The following HP1BP3 variants were observed in gnomAD, a reference collection of about 807,000 sequenced individuals.
The protein encoded by HP1BP3 is heterochromatin protein 1-binding protein 3.
Under a neutral mutation model 62.5 loss-of-function variants are expected in HP1BP3, and 12 were observed. That is an observed-to-expected ratio of 0.19 (90% CI 0.12 to 0.31). The LOEUF (loss-of-function observed/expected upper bound fraction) is 0.31. HP1BP3 is among the 10% of genes least tolerant of loss of function. HP1BP3 has a pLI of 1.00. For synonymous variants in HP1BP3, 260 were observed against 237.8 expected (o/e 1.09, Z -0.86); for missense variants, 502 against 651.8 (o/e 0.77, Z 2.50).
chr1:20,782,583 A>T (rs1480186675), intron 1 of HP1BP3, among the ~76,000 whole-genome samples: 1 of 150,656 alleles, frequency 6.6e-6, no homozygotes, highest in African/African-American at 2.4e-5. Flanking sequence ...AGCCTGCCTC[A>T]AGAAAAAAAA....
Position 20,779,895 on chromosome 1 carries a change from G to A in HP1BP3, c.113C>T (p.Thr38Ile), listed in dbSNP as rs1428347024. The A allele has an allele frequency of 1.2e-5, 20 of 1,612,474 alleles. No individual in the cohort carries two copies. The highest frequency in any genetic ancestry group is 1.6e-5 in the Non-Finnish European group (19 of 1,179,444). Residue 38 changes from threonine to isoleucine, a missense_variant, in exon 3 of 13, where the codon ACC (threonine) becomes ATC (isoleucine). Thr to Ile is a moderately conservative substitution (Grantham distance 89). Coordinates refer to ENST00000438032, the MANE Select transcript of HP1BP3 (RefSeq NM_001372052.1). ...ATTCACAGTTCGACGAATCGGCATGGTGCTATCTTCTACCTTCTAAGAAAA... is the reference window on the plus strand; with the variant it reads ...ATTCACAGTTCGACGAATCGGCATGATGCTATCTTCTACCTTCTAAGAAAA... Reference protein sequence around the residue: ...DKLGEKVEDSTMPIRRTVNST... With the variant: ...DKLGEKVEDSIMPIRRTVNST...
chr1:20,778,519 G>GT (rs1399735010), intron 3 of HP1BP3, among the ~76,000 whole-genome samples: 1 of 152,216 alleles, frequency 6.6e-6, no homozygotes, highest in Non-Finnish European at 1.5e-5. Context: ...TCAGCTGGCT[G>GT]TTAAACATGG....
chr1:20,763,243 T>C (rs571818152), intron 8 of HP1BP3, among the ~76,000 whole-genome samples: 1 of 152,344 alleles, frequency 6.6e-6, no homozygotes, highest in South Asian at 2.1e-4. Flanking sequence ...CTTTATTCTT[T>C]GTTAAAGAAT....
chr1:20,765,395 T>A lies in HP1BP3; in HGVS notation c.872A>T (p.Lys291Met), dbSNP rs1189558306. 1.9e-6 allele frequency: 3 copies of A among 1,609,740 alleles called. No homozygotes were observed. Among genetic ancestry groups the A allele is most frequent in the African/African-American group, 1.3e-5 (1 of 74,736 alleles). The change falls in exon 8 of 13, where the codon AAG (lysine) becomes ATG (methionine). Residue 291 changes from lysine to methionine, a missense_variant. Lys to Met is a moderately conservative substitution (Grantham distance 95, BLOSUM62 -1). Around this residue, in one of 5 missense-constraint regions of HP1BP3, gnomAD observed 111 missense variants for 242.0 expected, o/e 0.46. Coordinates refer to ENST00000438032, the MANE Select transcript of HP1BP3 (RefSeq NM_001372052.1). ...IRKYVSQYYP[K>M]LRVDIRPQLL... ...CTCATACCTGATGTCCACTCTAAGC[T>A]TAGGATAATACTGAGACACATATTT...
chr1:20,748,935 G>C, intron 10 of HP1BP3, among the ~76,000 whole-genome samples: 1 of 152,188 alleles, frequency 6.6e-6, no homozygotes, highest in East Asian at 1.9e-4. Context: ...TGATAAGGCA[G>C]GGTGTCTCAT....
At chr1:20,767,789 A>T in intron 6 of HP1BP3, 125 bp from the exon 7 acceptor site, 2 of 627,874 alleles carry the variant, frequency 3.2e-6, no homozygotes. Context: ...AAAAAAAAAA[A>T]AACAGTCAAT....
At chr1:20,751,615 G>C (rs1231562808) in intron 9 of HP1BP3, among the ~76,000 whole-genome samples, 2 of 151,994 alleles carry the variant, frequency 1.3e-5, no homozygotes, top group African/African-American at 4.8e-5. Flanking sequence ...CTACCTACAT[G>C]AAAGGGTGAG....
chr1:20,765,235 CA>C (rs1557657032), intron 8 of HP1BP3, 141 bp downstream of exon 8: 1 of 446,040 alleles, frequency 2.2e-6, no homozygotes. Context: ...CATAATGGGG[CA>C]AAAAAATAAA....
intron 9 of HP1BP3, among the ~76,000 whole-genome samples, chr1:20,754,522 G>C (rs915453573): frequency 6.6e-6 from 1 of 151,252 alleles, no homozygotes; most frequent in Non-Finnish European, 1.5e-5. Context: ...TACAGGACCC[G>C]GCATAGTCAA....
intron 8 of HP1BP3, among the ~76,000 whole-genome samples, chr1:20,764,557 T>G (rs2056666461): frequency 6.6e-6 from 1 of 151,846 alleles, no homozygotes; most frequent in Non-Finnish European, 1.5e-5. Flanking sequence ...AGTAACTCTT[T>G]TAATGTTGTC....
intron 9 of HP1BP3, among the ~76,000 whole-genome samples, chr1:20,751,399 T>C (rs1053363211): frequency 2.6e-5 from 4 of 151,926 alleles, no homozygotes; most frequent in African/African-American, 9.7e-5. Flanking sequence ...TTTAATCCTA[T>C]GAGGAAAATA....
intron 1 of HP1BP3, among the ~76,000 whole-genome samples, chr1:20,782,085 G>A (rs1182042017): frequency 6.6e-6 from 1 of 152,188 alleles, no homozygotes; most frequent in Non-Finnish European, 1.5e-5. Flanking sequence ...TAGCTAGGCT[G>A]AAAATGCTAC....
At chr1:20,770,223 G>A (rs2056993760) in intron 6 of HP1BP3, among the ~76,000 whole-genome samples, 1 of 152,180 alleles carries the variant, frequency 6.6e-6, no homozygotes, top group East Asian at 1.9e-4. Context: ...ATCAGTTAAG[G>A]TGAGCACATT....
At chr1:20,775,515 T>C (rs2057265411) in intron 4 of HP1BP3, 1 of 152,618 alleles carries the variant, frequency 6.6e-6, no homozygotes, top group African/African-American at 2.4e-5. Flanking sequence ...GTTTTAAAAG[T>C]TGCTAAAAAT....
At chr1:20,769,687 C>T (rs1315474615) in intron 6 of HP1BP3, among the ~76,000 whole-genome samples, 1 of 152,164 alleles carries the variant, frequency 6.6e-6, no homozygotes, top group African/African-American at 2.4e-5. Flanking sequence ...CAGGTATGAG[C>T]CACTGTGCCT....
intron 7 of HP1BP3, 95 bp from the exon 8 acceptor site, chr1:20,765,626 C>T: frequency 1.1e-6 from 1 of 943,080 alleles, no homozygotes; most frequent in Non-Finnish European, 1.6e-6. Context: ...CCAAATTTGT[C>T]AATTTTATGG....
chr1:20,773,011 T>C (rs2057129571), intron 5 of HP1BP3, among the ~76,000 whole-genome samples: 1 of 152,192 alleles, frequency 6.6e-6, no homozygotes, highest in Non-Finnish European at 1.5e-5. Context: ...AACCTAGAGA[T>C]ATTTTTTAAA....
intron 6 of HP1BP3, among the ~76,000 whole-genome samples, chr1:20,768,510 T>G (rs539137841): frequency 6.6e-6 from 1 of 152,132 alleles, no homozygotes; most frequent in African/African-American, 2.4e-5. Flanking sequence ...ACCACATATT[T>G]CCAGTTCACA....
At chr1:20,766,909 C>T (rs979990831) in intron 7 of HP1BP3, among the ~76,000 whole-genome samples, 1 of 152,156 alleles carries the variant, frequency 6.6e-6, no homozygotes, top group Non-Finnish European at 1.5e-5. Flanking sequence ...TGCCACTGCA[C>T]TCCAGCCCGG....
Sources: allele counts gnomAD v4.1 joint callset (sites outside exome capture counted in the v4.1 genomes callset), GRCh38; gene constraint gnomAD v4.1.1; regional missense constraint gnomAD v4.1.1; transcripts MANE v1.5; gene names NCBI Gene and HGNC (gene_info 2026-07-23, HGNC 2026-07-21).